The following GOLGA6L9 variants were observed in gnomAD, a reference collection of about 807,000 sequenced individuals.
The protein encoded by GOLGA6L9 is golgin subfamily A member 6-like protein 9.
A neutral mutation model predicts 51.3 loss-of-function variants in GOLGA6L9; 19 were observed. The observed-to-expected ratio is 0.37, with a 90% CI of 0.26 to 0.54. The LOEUF (loss-of-function observed/expected upper bound fraction) is 0.54, where lower values mean the gene tolerates loss of function less well. GOLGA6L9 is among the 20% of genes least tolerant of loss of function. GOLGA6L9 has a pLI of 0.83. For synonymous variants in GOLGA6L9, 97 were observed against 184.2 expected (o/e 0.53, Z 3.83); for missense variants, 247 against 464.1 (o/e 0.53, Z 4.30).
Position 82,431,905 on chromosome 15 carries a change from A to G in GOLGA6L9, c.160A>G (p.Ser54Gly), listed in dbSNP as rs1215181436. Residue 54 changes from serine (S) to glycine (G), a missense_variant, in exon 2 of 9, where the codon AGC becomes GGC. Around this residue, in one of 9 missense-constraint regions of GOLGA6L9, gnomAD observed 74 missense variants for 91.2 expected, o/e 0.81. Transcript: ENST00000618348. ...CAGGAAAAAGAAAATCAATGGCAGTAGCCCTGACACATTCACTTCTGGTGG... is the reference window on the plus strand; with the variant it reads ...CAGGAAAAAGAAAATCAATGGCAGTGGCCCTGACACATTCACTTCTGGTGG... ...ANRKKKINGS[S>G]PDTFTSGGYH... 2 of 1,351,896 alleles carry G rather than the reference A, an allele frequency of 1.5e-6. No individual in the cohort carries two copies. Among genetic ancestry groups the G allele is most frequent in the African/African-American group, 2.9e-5 (2 of 68,278 alleles). 83.7% of individuals were successfully genotyped at this position (1,351,896 alleles called of 1,614,324 possible).
At position 82,429,936 on chromosome 15, in the gene GOLGA6L9, C is replaced by T; in HGVS notation, c.-144C>T. On this transcript the variant is annotated 5_prime_UTR_variant, in exon 1 of 9. Coordinates refer to ENST00000618348, the MANE Select transcript of GOLGA6L9 (RefSeq NM_198181.4). ...CGCCTCCTTTCCCTTTCATCTTTCT[C>T]ACTGACCAATGGGCTTGGAACATTA... is the stretch of plus-strand genomic sequence containing the variant. The T allele has an allele frequency of 1.0e-6, 1 of 990,018 alleles. No homozygotes were observed. The highest frequency in any genetic ancestry group is 1.7e-5 in the Admixed American group (1 of 59,116). 61.3% of individuals were successfully genotyped at this position (990,018 alleles called of 1,614,324 possible).
In GOLGA6L9 at chr15:82,437,977, G is replaced by T. The variant is rs1484151583; in HGVS notation, c.*1566G>T. Reference sequence around the variant, plus strand: ...ATTTATGGCTTAAAATGGACTAAAGGTCCTGTTCTTGCCTTGTCTGAACTT... The same window carrying T: ...ATTTATGGCTTAAAATGGACTAAAGTTCCTGTTCTTGCCTTGTCTGAACTT... On this transcript the variant is annotated 3_prime_UTR_variant, in exon 9 of 9. Coordinates refer to ENST00000618348, the MANE Select transcript of GOLGA6L9 (RefSeq NM_198181.4). 1 of 150,966 alleles carries T rather than the reference G, an allele frequency of 6.6e-6. No individual in the cohort carries two copies. The highest frequency in any genetic ancestry group is 2.4e-5 in the African/African-American group (1 of 40,886). The allele number at this position is 150,966 out of a possible 1,614,324, so 9.4% of individuals were successfully genotyped here.
the GOLGA6L9 span, chr15:82,418,747 A>G: frequency 1.3e-5 from 2 of 152,382 alleles, no homozygotes; most frequent in Admixed American, 6.5e-5. Flanking sequence ...ATGGATAAGA[A>G]CAATTTCAAC....
chr15:82,417,849 A>T, the GOLGA6L9 span, among the ~76,000 whole-genome samples: 1 of 152,226 alleles, frequency 6.6e-6, no homozygotes, highest in Non-Finnish European at 1.5e-5. Flanking sequence ...TGTTAAATCA[A>T]TGAGTGCACA....
the GOLGA6L9 span, among the ~76,000 whole-genome samples, chr15:82,417,434 G>A: frequency 0.071 from 10,841 of 152,250 alleles, 715 homozygotes; most frequent in East Asian, 0.34. Flanking sequence ...TGTCAGTGCT[G>A]CTGGAAGTGT....
rs1310772374 is a variant in GOLGA6L9 at position 82,438,368 on chromosome 15, CTCTCTGTGTAGGTATTTTG to C, written c.*1960_*1978del. ...ATGTACTATATTAACTCAAATACCA[CTCTCTGTGTAGGTATTTTG>C]TCATATGTTTAAGAAAAAGCTAAAG... On this transcript the variant is annotated 3_prime_UTR_variant, in exon 9 of 9. Transcript: ENST00000618348. The C allele has an allele frequency of 6.6e-6, 1 of 151,302 alleles. No individual in the cohort carries two copies. The highest frequency in any genetic ancestry group is 2.1e-4 in the South Asian group (1 of 4,808). 9.4% of individuals were successfully genotyped at this position (151,302 alleles called of 1,614,324 possible). A position where few individuals can be genotyped will look rare whatever the true frequency, so the allele number is the denominator to read the frequency against.
rs2031544044 is a variant in GOLGA6L9 at position 82,434,109 on chromosome 15, G to A, written c.509G>A (p.Arg170Lys). 4 of 1,525,038 alleles carry A rather than the reference G, an allele frequency of 2.6e-6. No homozygotes were observed. The highest frequency in any genetic ancestry group is 3.5e-6 in the Non-Finnish European group (4 of 1,145,484). The allele number at this position is 1,525,038 out of a possible 1,614,324, so 94.5% of individuals were successfully genotyped here. A position where few individuals can be genotyped will look rare whatever the true frequency, so the allele number is the denominator to read the frequency against. Residue 170 changes from arginine (R) to lysine (K), a missense_variant, in exon 6 of 9, where the codon AGG becomes AAG. This residue lies in a region of GOLGA6L9 where 25 missense variants were observed against 49.6 expected (regional missense o/e 0.50). Transcript: ENST00000618348. Reference sequence around the variant, plus strand: ...CTACAAGATGAGACCAACCACCTAAGGAAGGAGCTAGAGAGTGTGGGAAGA... The same window carrying A: ...CTACAAGATGAGACCAACCACCTAAAGAAGGAGCTAGAGAGTGTGGGAAGA... Reference protein sequence around the residue: ...EQLQDETNHLRKELESVGRQL... With the variant: ...EQLQDETNHLKKELESVGRQL...
the GOLGA6L9 span, among the ~76,000 whole-genome samples, chr15:82,420,231 G>A: frequency 6.6e-6 from 1 of 152,184 alleles, no homozygotes; most frequent in Non-Finnish European, 1.5e-5. Flanking sequence ...ACATATAGAA[G>A]TATAAGAAAA....
At chr15:82,433,261 C>T (rs2031492421) in intron 4 of GOLGA6L9, among the ~76,000 whole-genome samples, 1 of 151,938 alleles carries the variant, frequency 6.6e-6, no homozygotes, top group Admixed American at 6.5e-5. Flanking sequence ...CCTCTTTATG[C>T]TCGTGTTTCT....
chr15:82,432,531 G>T (rs1202146152), intron 2 of GOLGA6L9, 41 bp from the exon 3 acceptor site: 2 of 1,595,714 alleles, frequency 1.3e-6, no homozygotes, highest in Non-Finnish European at 8.5e-7. Context: ...AGACAGTGAG[G>T]GGGGACAGAA....
intron 7 of GOLGA6L9, chr15:82,435,345 T>C (rs1350711398): frequency 4.0e-5 from 13 of 325,838 alleles, no homozygotes; most frequent in Non-Finnish European, 7.1e-5. Flanking sequence ...AAATTAAAAA[T>C]AATAATAATA....
chr15:82,419,942 C>T, the GOLGA6L9 span: 5 of 281,746 alleles, frequency 1.8e-5, no homozygotes, highest in Non-Finnish European at 2.9e-5. Context: ...GAACCAGGAA[C>T]GCTGCTGTGT....
chr15:82,420,001 A>G, the GOLGA6L9 span: 5 of 440,164 alleles, frequency 1.1e-5, no homozygotes, highest in Admixed American at 1.0e-4. Flanking sequence ...TGCCTACTCG[A>G]TAGAATCAGT....
In GOLGA6L9 at chr15:82,438,206, C is replaced by T. The variant is rs2031780612; in HGVS notation, c.*1795C>T. Reference sequence around the variant, plus strand: ...TCAAATCGCTTCACTTTTACCCTGACACGTATAAATGACTAGGAATGACCT... The same window carrying T: ...TCAAATCGCTTCACTTTTACCCTGATACGTATAAATGACTAGGAATGACCT... On this transcript the variant is annotated 3_prime_UTR_variant, in exon 9 of 9. Coordinates refer to ENST00000618348, the MANE Select transcript of GOLGA6L9 (RefSeq NM_198181.4). 6.7e-6 allele frequency: 1 copy of T among 148,226 alleles called. No individual in the cohort carries two copies. Among genetic ancestry groups the T allele is most frequent in the South Asian group, 2.1e-4 (1 of 4,688 alleles). 9.2% of individuals were successfully genotyped at this position (148,226 alleles called of 1,614,324 possible).
chr15:82,432,560 C>T lies in GOLGA6L9; in HGVS notation c.205-12C>T, dbSNP rs1336689987. 3 of 1,602,038 alleles carry T rather than the reference C, an allele frequency of 1.9e-6. No individual in the cohort carries two copies. Among genetic ancestry groups the T allele is most frequent in the East Asian group, 2.2e-5 (1 of 44,844 alleles). The stretch of plus-strand genomic sequence containing the variant: ...GACAGAACATCTCCATGTGCACTCT[C>T]ATCTCTTGGAGTCAGCAACAGGTAT... On this transcript the variant is annotated splice_polypyrimidine_tract_variant and intron_variant, in intron 2 of 8. Transcript: ENST00000618348.
the GOLGA6L9 span, among the ~76,000 whole-genome samples, chr15:82,416,644 T>G: frequency 3.3e-5 from 5 of 152,144 alleles, no homozygotes. Flanking sequence ...AAGGAGAAAT[T>G]ATTGGCTGAC....
At chr15:82,418,269 C>G in the GOLGA6L9 span, among the ~76,000 whole-genome samples, 1 of 152,134 alleles carries the variant, frequency 6.6e-6, no homozygotes, top group East Asian at 1.9e-4. Context: ...ATGGAAGATG[C>G]GCAGGCTAGA....
the GOLGA6L9 span, among the ~76,000 whole-genome samples, chr15:82,420,688 G>A: frequency 1.3e-5 from 2 of 151,468 alleles, no homozygotes; most frequent in Admixed American, 1.3e-4. Flanking sequence ...CCAACCAAGA[G>A]GAGCTGAGAG....
the GOLGA6L9 span, among the ~76,000 whole-genome samples, chr15:82,418,067 C>CA: frequency 6.6e-6 from 1 of 152,272 alleles, no homozygotes; most frequent in East Asian, 1.9e-4. Context: ...TTGGGCAAAG[C>CA]AAGTGGGAAA....
Sources: allele counts gnomAD v4.1 joint callset (sites outside exome capture counted in the v4.1 genomes callset), GRCh38; gene constraint gnomAD v4.1.1; regional missense constraint gnomAD v4.1.1; transcripts MANE v1.5; gene names NCBI Gene and HGNC (gene_info 2026-07-23, HGNC 2026-07-21).